FBXL2: variants seen among roughly 807,000 people sequenced by gnomAD.
FBXL2 encodes F-box/LRR-repeat protein 2.
FBXL2 carries 38 observed loss-of-function variants against 69.2 expected under a neutral mutation model. The ratio of observed to expected loss-of-function variants is 0.55; its 90% confidence interval spans 0.42 to 0.72. The LOEUF is 0.72. Ranked by LOEUF, FBXL2 falls within the 30% of genes least tolerant of loss-of-function variation. FBXL2 has a pLI of 0.00. For synonymous variants in FBXL2, 192 were observed against 201.3 expected, an observed-to-expected ratio of 0.95 and a Z score of 0.39; for missense variants, 354 against 520.3, an observed-to-expected ratio of 0.68 and a Z score of 3.11.
intron 12 of FBXL2, chr3:33,402,831 G>C: frequency 6.2e-7 from 1 of 1,605,474 alleles, no homozygotes; most frequent in Non-Finnish European, 8.5e-7. Flanking sequence ...GCTCTGCTGT[G>C]GGGAGGTGAA....
the FBXL2 span, among the ~76,000 whole-genome samples, chr3:33,421,043 G>A: frequency 6.6e-6 from 1 of 152,184 alleles, no homozygotes; most frequent in African/African-American, 2.4e-5. Context: ...GTCAGCAAGG[G>A]GGTAAGATCA....
intron 2 of FBXL2, among the ~76,000 whole-genome samples, chr3:33,335,998 T>C (rs1375966306): frequency 6.6e-6 from 1 of 152,154 alleles, no homozygotes; most frequent in African/African-American, 2.4e-5. Context: ...AATCAGGAGG[T>C]ACGTCATGTT....
chr3:33,381,389 A>C (rs1249746749), intron 13 of FBXL2, among the ~76,000 whole-genome samples: 1 of 152,222 alleles, frequency 6.6e-6, no homozygotes, highest in Non-Finnish European at 1.5e-5. Context: ...TCACGCCTGT[A>C]ATCTCAACAC....
At chr3:33,388,582 A>T (rs2043612453), downstream of FBXL2, 1 of 152,522 alleles carries the variant, frequency 6.6e-6, no homozygotes, top group Admixed American at 6.5e-5. Context: ...TTGTTCCATA[A>T]ATCTTGAGAC....
At chr3:33,319,830 T>A (rs537183475) in intron 2 of FBXL2, among the ~76,000 whole-genome samples, 10 of 152,330 alleles carry the variant, frequency 6.6e-5, no homozygotes, top group Admixed American at 1.3e-4. Context: ...ATTAATGTCA[T>A]TTAGGAAAAT....
chr3:33,333,164 T>C (rs1311497847), intron 2 of FBXL2, among the ~76,000 whole-genome samples: 4 of 152,156 alleles, frequency 2.6e-5, no homozygotes. Context: ...TATTTTGAAA[T>C]GTGGTTACAC....
chr3:33,282,189 T>G (rs1012948347), intron 1 of FBXL2, among the ~76,000 whole-genome samples: 15 of 152,304 alleles, frequency 9.8e-5, no homozygotes, highest in Middle Eastern at 6.8e-3. Flanking sequence ...GGTCTTACAT[T>G]TAAGTCTTTA....
intron 1 of FBXL2, among the ~76,000 whole-genome samples, chr3:33,291,022 T>C (rs2035171569): frequency 6.6e-6 from 1 of 152,004 alleles, no homozygotes; most frequent in South Asian, 2.1e-4. Flanking sequence ...CTTAATGTCC[T>C]GGGCTCAAGG....
At chr3:33,317,020 G>C (rs946138778) in intron 2 of FBXL2, among the ~76,000 whole-genome samples, 1 of 151,900 alleles carries the variant, frequency 6.6e-6, no homozygotes, top group African/African-American at 2.4e-5. Flanking sequence ...TCCCACCCCA[G>C]ACTCCCAAGT....
chr3:33,399,080 AGTGT>A (rs1463522689), intron 12 of FBXL2, among the ~76,000 whole-genome samples: 1 of 152,208 alleles, frequency 6.6e-6, no homozygotes, highest in African/African-American at 2.4e-5. Flanking sequence ...CTTCAGGCTG[AGTGT>A]GTGCACACAC....
At chr3:33,364,835 C>A in intron 5 of FBXL2, 116 bp downstream of exon 5, 1 of 954,532 alleles carries the variant, frequency 1.0e-6, no homozygotes, top group Non-Finnish European at 1.7e-6. Flanking sequence ...TGGTAATTTG[C>A]ATAGAGTAAT....
exon 13 of FBXL2, chr3:33,403,505 T>TGTCTGTCTGGTCTGTCTATCTA (rs2044311979): frequency 3.0e-5 from 1 of 33,828 alleles, no homozygotes; most frequent in Admixed American, 2.1e-4. Context: ...TCTATCTATC[T>TGTCTGTCTGGTCTGTCTATCTA]ATCTATCTGT....
chr3:33,405,430 G>C (rs1409761278), downstream of FBXL2, among the ~76,000 whole-genome samples: 1 of 152,314 alleles, frequency 6.6e-6, no homozygotes, highest in Admixed American at 6.5e-5. Flanking sequence ...CACCACGCCA[G>C]AACATTGCCT....
chr3:33,290,419 A>C (rs1282808827), intron 1 of FBXL2, among the ~76,000 whole-genome samples: 2 of 152,230 alleles, frequency 1.3e-5, no homozygotes, highest in African/African-American at 2.4e-5. Flanking sequence ...AGAAACAAGA[A>C]AATGTGATCC....
chr3:33,343,901 T>C (rs533045538), intron 2 of FBXL2, among the ~76,000 whole-genome samples: 38 of 152,192 alleles, frequency 2.5e-4, no homozygotes, highest in African/African-American at 9.1e-4. Context: ...TTTCCAGACA[T>C]ACTAGCCAAT....
In FBXL2 at chr3:33,373,271, G is replaced by A; in HGVS notation, c.371G>A (p.Ser124Asn). Residue 124 changes from serine to asparagine, a missense_variant, in exon 7 of 15, where the codon AGC (serine) becomes AAC (asparagine). By Grantham distance (46) the Ser-to-Asn change is conservative. Coordinates refer to ENST00000484457, the MANE Select transcript of FBXL2 (RefSeq NM_012157.5). ...CTGCTCTTTTTCAGCACGTGTTATA[G>A]CCTTAGCAGATTCTGTTCCAAGCTG... is the stretch of plus-strand genomic sequence containing the variant. ...CTKITDSTCY[S>N]LSRFCSKLKH... The A allele has an allele frequency of 6.2e-7, 1 of 1,614,124 alleles. No homozygotes were observed.
chr3:33,319,917 CAGA>C (rs1296252705), intron 2 of FBXL2, among the ~76,000 whole-genome samples: 1 of 152,086 alleles, frequency 6.6e-6, no homozygotes, highest in Non-Finnish European at 1.5e-5. Flanking sequence ...CAAAATCTCA[CAGA>C]AGATGTGCAA....
intron 5 of FBXL2, among the ~76,000 whole-genome samples, chr3:33,366,702 T>C (rs1440625843): frequency 1.3e-5 from 2 of 152,074 alleles, no homozygotes; most frequent in South Asian, 4.1e-4. Context: ...CGGTGGCTCA[T>C]GCCTGTAATC....
At chr3:33,336,956 G>A (rs1184403651) in intron 2 of FBXL2, among the ~76,000 whole-genome samples, 2 of 151,796 alleles carry the variant, frequency 1.3e-5, no homozygotes, top group Non-Finnish European at 2.9e-5. Flanking sequence ...TGTAATCCTA[G>A]CACTTTGGGA....
Sources: allele counts gnomAD v4.1 joint callset (sites outside exome capture counted in the v4.1 genomes callset), GRCh38; gene constraint gnomAD v4.1.1; transcripts MANE v1.5; gene names NCBI Gene and HGNC (gene_info 2026-07-23, HGNC 2026-07-21).